Variants in DSCAM observed in about 807,000 individuals in gnomAD.
The protein encoded by DSCAM is DS cell adhesion molecule, also known as cell adhesion molecule DSCAM.
DSCAM carries 47 observed loss-of-function variants against 217.7 expected under a neutral mutation model. That is an observed-to-expected ratio of 0.22 (90% CI 0.17 to 0.28). The LOEUF is 0.28. Among genes scored for constraint, DSCAM ranks in the 10% least tolerant of loss-of-function variants. The pLI is 1.00. For missense variants in DSCAM, 2,080 were observed against 2,618.3 expected (o/e 0.79, Z 4.49); for synonymous variants, 1,056 against 1,015.3 (o/e 1.04, Z -0.76).
intron 1 of DSCAM, among the ~76,000 whole-genome samples, chr21:40,824,117 T>G (rs1452792601): frequency 1.3e-5 from 2 of 152,142 alleles, no homozygotes; most frequent in African/African-American, 4.8e-5. Flanking sequence ...TCATCCCCAT[T>G]GGGCTCCCTC....
intron 27 of DSCAM, among the ~76,000 whole-genome samples, chr21:40,065,027 G>T (rs1249867219): frequency 6.6e-6 from 1 of 152,016 alleles, no homozygotes; most frequent in Non-Finnish European, 1.5e-5. Context: ...CTGGGCATTA[G>T]AGAAGAGAGC....
Position 40,272,638 on chromosome 21 carries a change from C to T in DSCAM, c.2356+3459G>A, listed in dbSNP as rs112883090. 4.0e-3 allele frequency among the ~76,000 whole-genome samples: 612 copies of T among 152,234 alleles called. 6 individuals are homozygous for T. Among genetic ancestry groups the T allele is most frequent in the African/African-American group, 0.013 (560 of 41,530 alleles). On this transcript the variant is annotated intron_variant, in intron 11 of 32. Transcript: ENST00000400454. ...TGAGCCCCCAGAAGCAGGTCCTATC[C>T]GGAGAGTTTGGGTCTTTAAATTATG...
chr21:40,666,273 CCT>C (rs1194297949), intron 3 of DSCAM, among the ~76,000 whole-genome samples: 3 of 152,224 alleles, frequency 2.0e-5, no homozygotes. Context: ...CATGCCCAGC[CCT>C]GAGATGAGTG....
intron 30 of DSCAM, among the ~76,000 whole-genome samples, chr21:40,048,362 G>C (rs1003638299): frequency 6.7e-6 from 1 of 149,162 alleles, no homozygotes; most frequent in African/African-American, 2.5e-5. Context: ...AGACACTGTG[G>C]CTGGTATGGG....
In DSCAM at chr21:40,075,217, A is replaced by T. The variant is rs781359428; in HGVS notation, c.4712-4T>A. The T allele has an allele frequency of 6.2e-7, 1 of 1,614,154 alleles. No individual in the cohort carries two copies. The highest frequency in any genetic ancestry group is 1.7e-5 in the Admixed American group (1 of 60,022). On this transcript the variant is annotated splice_region_variant and splice_polypyrimidine_tract_variant and intron_variant, in intron 26 of 32. Transcript: ENST00000400454. ...TTAATGAGTGGAGGAATTGTACCTG[A>T]AAGCAGGGCCACGGTGTTAGATGGC...
chr21:40,394,587 C>A (rs943053532), intron 3 of DSCAM, among the ~76,000 whole-genome samples: 1 of 152,192 alleles, frequency 6.6e-6, no homozygotes, highest in Admixed American at 6.5e-5. Context: ...TCAACCAAGG[C>A]AGGTAAACCA....
At chr21:40,470,766 CTGGTCTTG>C (rs2075881759) in intron 3 of DSCAM, among the ~76,000 whole-genome samples, 1 of 152,136 alleles carries the variant, frequency 6.6e-6, no homozygotes, top group African/African-American at 2.4e-5. Flanking sequence ...GGTGCCTAGG[CTGGTCTTG>C]AACTCCTGGA....
At chr21:40,218,665 T>C (rs543002176) in intron 11 of DSCAM, among the ~76,000 whole-genome samples, 106 of 152,294 alleles carry the variant, frequency 7.0e-4, no homozygotes, top group African/African-American at 2.4e-3. Flanking sequence ...CCCTGATTTC[T>C]TTCAGTAGTG....
Position 40,783,273 on chromosome 21 carries a change from C to T in DSCAM, c.43+63346G>A, listed in dbSNP as rs145755247. ...GCACTGATTTACAATAGATGAGGTG[C>T]GGGCACAGCTCTTCAGTGTTGACCA... On this transcript the variant is annotated intron_variant, in intron 1 of 32. Coordinates refer to ENST00000400454, the MANE Select transcript of DSCAM (RefSeq NM_001389.5). Among the ~76,000 whole-genome samples, 1,180 of 152,262 alleles carry T rather than the reference C, an allele frequency of 7.7e-3. 17 individuals carry two copies. Among genetic ancestry groups the T allele is most frequent in the African/African-American group, 0.027 (1,126 of 41,534 alleles).
At chr21:40,434,337 A>G (rs1427506172) in intron 3 of DSCAM, among the ~76,000 whole-genome samples, 1 of 152,250 alleles carries the variant, frequency 6.6e-6, no homozygotes, top group Non-Finnish European at 1.5e-5. Context: ...CAACGGCGTC[A>G]AACATCAGCA....
intron 6 of DSCAM, among the ~76,000 whole-genome samples, chr21:40,345,560 C>T (rs1466372526): frequency 2.0e-5 from 3 of 151,952 alleles, no homozygotes; most frequent in African/African-American, 4.8e-5. Flanking sequence ...TTATCCTGAA[C>T]TTATAATTAT....
At chr21:40,424,113 A>G (rs932026917) in intron 3 of DSCAM, among the ~76,000 whole-genome samples, 4 of 152,146 alleles carry the variant, frequency 2.6e-5, no homozygotes, top group Non-Finnish European at 5.9e-5. Flanking sequence ...CAAGATTTGG[A>G]ACACTGTTAA....
intron 3 of DSCAM, among the ~76,000 whole-genome samples, chr21:40,663,092 G>A (rs2090157563): frequency 6.6e-6 from 1 of 151,202 alleles, no homozygotes. Flanking sequence ...TGTGTAGTAT[G>A]TATGTGTGTG....
chr21:40,051,918 T>C, intron 30 of DSCAM, 40 bp downstream of exon 30: 2 of 1,574,328 alleles, frequency 1.3e-6, no homozygotes, highest in Non-Finnish European at 1.7e-6. Context: ...TTTTCAGCAT[T>C]GTTAACACCC....
At chr21:40,674,735 G>C (rs2146408978) in intron 3 of DSCAM, among the ~76,000 whole-genome samples, 1 of 148,662 alleles carries the variant, frequency 6.7e-6, no homozygotes, top group East Asian at 2.0e-4. Context: ...CAGGTTCATG[G>C]CATTCTCCTG....
chr21:40,249,598 A>ATTT, intron 11 of DSCAM, among the ~76,000 whole-genome samples: 1 of 152,350 alleles, frequency 6.6e-6, no homozygotes, highest in East Asian at 1.9e-4. Flanking sequence ...TGAAGGGTGA[A>ATTT]CAAACACGAG....
At chr21:40,137,594 TACACACACAC>T (rs3988428) in intron 18 of DSCAM, among the ~76,000 whole-genome samples, 156 of 135,006 alleles carry the variant, frequency 1.2e-3, no homozygotes, top group African/African-American at 3.9e-3. Flanking sequence ...GGCTGTTTAA[TACACACACAC>T]ACACACACAC....
At chr21:40,204,339 G>C (rs2091101627) in intron 11 of DSCAM, among the ~76,000 whole-genome samples, 1 of 152,176 alleles carries the variant, frequency 6.6e-6, no homozygotes, top group African/African-American at 2.4e-5. Flanking sequence ...ATACCTGCCT[G>C]GGTGTCTGCT....
At chr21:40,764,403 C>G (rs1389661541) in intron 1 of DSCAM, among the ~76,000 whole-genome samples, 3 of 151,380 alleles carry the variant, frequency 2.0e-5, no homozygotes, top group African/African-American at 7.3e-5. Flanking sequence ...CAATGAGATA[C>G]CATCTCAAGC....
Sources: allele counts gnomAD v4.1 joint callset (sites outside exome capture counted in the v4.1 genomes callset), GRCh38; gene constraint gnomAD v4.1.1; transcripts MANE v1.5; gene names NCBI Gene and HGNC (gene_info 2026-07-23, HGNC 2026-07-21).